RELA: variants seen among roughly 807,000 people sequenced by gnomAD.
The protein encoded by RELA is transcription factor p65.
Under a neutral mutation model 56.7 loss-of-function variants are expected in RELA, and 14 were observed. The observed-to-expected ratio is 0.25, with a 90% CI of 0.16 to 0.39. RELA has a LOEUF of 0.39. Among genes scored for constraint, RELA ranks in the 10% least tolerant of loss-of-function variants. RELA has a pLI of 1.00. For missense variants in RELA, 559 were observed against 736.4 expected (o/e 0.76, Z 2.79); for synonymous variants, 315 against 289.7 (o/e 1.09, Z -0.89).
At chr11:65,662,459 G>A (rs1281546221) in intron 1 of RELA, 2 of 494,134 alleles carry the variant, frequency 4.0e-6, no homozygotes, top group African/African-American at 2.0e-5. Flanking sequence ...ACTTTCTTAA[G>A]GAAAATTGAG....
intron 8 of RELA, 88 bp from the exon 9 acceptor site, chr11:65,656,023 G>T (rs1856418960): frequency 1.8e-6 from 2 of 1,126,176 alleles, no homozygotes; most frequent in Non-Finnish European, 2.7e-6. Flanking sequence ...AAGGGGAGGA[G>T]CCAGGCTTTC....
intron 4 of RELA, 159 bp downstream of exon 4, chr11:65,661,524 AATAG>A (rs2135570842): frequency 1.6e-6 from 1 of 615,580 alleles, no homozygotes; most frequent in South Asian, 2.4e-5. Context: ...TAAACGTACA[AATAG>A]ATAATTTCAA....
At chr11:65,661,102 A>T (rs1228521552) in intron 4 of RELA, among the ~76,000 whole-genome samples, 1 of 150,986 alleles carries the variant, frequency 6.6e-6, no homozygotes, top group Non-Finnish European at 1.5e-5. Context: ...TGGTGCAATC[A>T]TAGCTTGCCG....
In RELA at chr11:65,654,236, A is replaced by G. The variant is rs1324138280; in HGVS notation, c.*142T>C. 3 of 1,006,848 alleles carry G rather than the reference A, an allele frequency of 3.0e-6. No individual in the cohort carries two copies. The highest frequency in any genetic ancestry group is 4.6e-6 in the Non-Finnish European group (3 of 650,820). 62.4% of individuals were successfully genotyped at this position (1,006,848 alleles called of 1,614,324 possible). A position where few individuals can be genotyped will look rare whatever the true frequency, so the allele number is the denominator to read the frequency against. On this transcript the variant is annotated 3_prime_UTR_variant, in exon 11 of 11. Transcript: ENST00000406246. ...AGATACAGATACTGACAATAAAAGAATAAAATATGGCTCCCCCCTCCAAGG... is the reference window on the plus strand; with the variant it reads ...AGATACAGATACTGACAATAAAAGAGTAAAATATGGCTCCCCCCTCCAAGG...
At chr11:65,661,626 C>T in intron 4 of RELA, 61 bp downstream of exon 4, 3 of 1,471,516 alleles carry the variant, frequency 2.0e-6, no homozygotes, top group South Asian at 2.6e-5. Flanking sequence ...ACTGTAGCGG[C>T]TACTTCATAG....
intron 5 of RELA, 80 bp downstream of exon 5, chr11:65,660,044 G>A: frequency 2.9e-6 from 4 of 1,384,898 alleles, no homozygotes; most frequent in Non-Finnish European, 4.1e-6. Context: ...ACTGTGTCTT[G>A]GCCAGTGAGG....
chr11:65,659,633 C>T (rs937343671), intron 6 of RELA, 33 bp downstream of exon 6: 6 of 1,612,152 alleles, frequency 3.7e-6, no homozygotes, highest in Admixed American at 3.3e-5. Context: ...CAGGCCCACC[C>T]TCTCCCCTTC....
At chr11:65,657,923 C>A (rs1565190014) in intron 8 of RELA, among the ~76,000 whole-genome samples, 1 of 152,170 alleles carries the variant, frequency 6.6e-6, no homozygotes, top group Non-Finnish European at 1.5e-5. Context: ...ACAAGACAAC[C>A]AGTGTGGCAA....
rs372955840 is a variant in RELA at position 65,659,657 on chromosome 11, G to A, written c.559+9C>T. On this transcript the variant is annotated intron_variant, in intron 6 of 10. Transcript: ENST00000406246. ...CCTCTCCCCTTCCTGCGTCTCCCTC[G>A]CTACTCACGATTGTCAAAGATGGGA... is the stretch of plus-strand genomic sequence containing the variant. 1.9e-5 allele frequency: 31 copies of A among 1,613,064 alleles called. No individual in the cohort carries two copies. In the Middle Eastern group the frequency reaches 6.7e-4, roughly 35 times the overall value.
rs762060621 is a variant in RELA at position 65,655,747 on chromosome 11, C to T, written c.974G>A (p.Arg325Gln). ...CACAGCAATGCGTCGAGGTGGAGGC[C>T]GGGGGTCGGTGGGTCCTGTAGGGCA... ...KSPFSGPTDP[R>Q]PPPRRIAVPS... is the part of the protein sequence containing the mutation. Residue 325 changes from arginine (R) to glutamine (Q), a missense_variant, in exon 10 of 11, where the codon CGG (arginine) becomes CAG (glutamine). Arg to Gln is a conservative substitution (Grantham distance 43). Transcript: ENST00000406246. 3.3e-5 allele frequency: 54 copies of T among 1,613,934 alleles called. No individual in the cohort carries two copies. Among genetic ancestry groups the T allele is most frequent in the African/African-American group, 6.7e-5 (5 of 74,880 alleles).
Position 65,658,230 on chromosome 11 carries a change from C to T in RELA, c.877+57G>A. 1.5e-6 allele frequency: 2 copies of T among 1,347,234 alleles called. No individual in the cohort carries two copies. Among genetic ancestry groups the T allele is most frequent in the Non-Finnish European group, 2.1e-6 (2 of 975,064 alleles). 83.5% of individuals were successfully genotyped at this position (1,347,234 alleles called of 1,614,324 possible). On this transcript the variant is annotated intron_variant, in intron 8 of 10. Coordinates refer to ENST00000406246, the MANE Select transcript of RELA (RefSeq NM_021975.4). The surrounding 1 kb of genome is among the most constrained non-coding windows in gnomAD (Gnocchi z 4.5). ...CACAGCCCCAGACATGCAGTCTTGG[C>T]CTCTCTCTCACGGCACAGAGCCCAG...
intron 1 of RELA, 114 bp downstream of exon 1, chr11:65,662,712 C>T (rs1470845717): frequency 1.2e-6 from 1 of 869,112 alleles, no homozygotes; most frequent in Admixed American, 4.6e-5. Context: ...AGGCCGACCG[C>T]TCCCTGCGCA....
At chr11:65,656,943 T>G (rs547614856) in intron 8 of RELA, among the ~76,000 whole-genome samples, 2 of 152,242 alleles carry the variant, frequency 1.3e-5, no homozygotes, top group Non-Finnish European at 2.9e-5. Context: ...GGAGAATCAC[T>G]TGAACCCGGG....
chr11:65,662,755 G>A, intron 1 of RELA, 71 bp downstream of exon 1: 1 of 1,152,822 alleles, frequency 8.7e-7, no homozygotes, highest in Non-Finnish European at 1.1e-6. Flanking sequence ...GCGGAAAGCG[G>A]CGCGGGGGCT....
rs1307302800 is a variant in RELA at position 65,661,580 on chromosome 11, G to A, written c.335+107C>T. The stretch of plus-strand genomic sequence containing the variant: ...TTGCAGAGCTGAGTCAGGGCAAGGA[G>A]TGAGGAATTCTGCCCTGGGTCCAGA... On this transcript the variant is annotated intron_variant, in intron 4 of 10. Transcript: ENST00000406246. 5 of 1,053,354 alleles carry A rather than the reference G, an allele frequency of 4.7e-6. No homozygotes were observed. The African/African-American group carries it at 7.9e-5, about 17-fold the overall frequency. The allele number at this position is 1,053,354 out of a possible 1,614,324, so 65.3% of individuals were successfully genotyped here.
chr11:65,662,894 AG>A lies in RELA; in HGVS notation c.-63del. ...GGGCCCGCGGCGTGCACTACAGACG[AG>A]CCATTCGCCAGAGGCGGAAATGCGC... On this transcript the variant is annotated 5_prime_UTR_variant, in exon 1 of 11. The change abolishes the stop of an existing upstream ORF in the 5' untranslated region. Coordinates refer to ENST00000406246, the MANE Select transcript of RELA (RefSeq NM_021975.4). The A allele has an allele frequency of 8.5e-7, 1 of 1,172,258 alleles. No individual in the cohort carries two copies. The highest frequency in any genetic ancestry group is 1.1e-6 in the Non-Finnish European group (1 of 947,062). 72.6% of individuals were successfully genotyped at this position (1,172,258 alleles called of 1,614,324 possible).
chr11:65,655,342 G>A (rs11568301), intron 10 of RELA: 9 of 569,560 alleles, frequency 1.6e-5, no homozygotes, highest in African/African-American at 5.6e-5. Flanking sequence ...AGTGAGCAGC[G>A]GCCTGAAGTG....
Position 65,654,966 on chromosome 11 carries a change from G to A in RELA, c.1068C>T (p.Ser356=). Residue 356 remains serine, a synonymous_variant, in exon 11 of 11, where the codon AGC becomes AGT. Transcript: ENST00000406246. ...PQPYPFTSSL[S]TINYDEFPTM... is the part of the protein sequence containing the mutation. Reference sequence around the variant, plus strand: ...TGGGAAACTCATCATAGTTGATGGTGCTCAGGGATGACGTAAAGGGATAGG... The same window carrying A: ...TGGGAAACTCATCATAGTTGATGGTACTCAGGGATGACGTAAAGGGATAGG... The A allele has an allele frequency of 1.9e-6, 3 of 1,604,444 alleles. No individual in the cohort carries two copies. The highest frequency in any genetic ancestry group is 1.7e-6 in the Non-Finnish European group (2 of 1,176,162).
At chr11:65,657,377 A>G (rs1026812704) in intron 8 of RELA, among the ~76,000 whole-genome samples, 5 of 152,124 alleles carry the variant, frequency 3.3e-5, no homozygotes, top group African/African-American at 1.2e-4. Context: ...CTACAGCAAC[A>G]TTTCCAGAAT....
Sources: allele counts gnomAD v4.1 joint callset (sites outside exome capture counted in the v4.1 genomes callset), GRCh38; gene constraint gnomAD v4.1.1; non-coding constraint Gnocchi (gnomAD v3.1); transcripts MANE v1.5; gene names NCBI Gene and HGNC (gene_info 2026-07-23, HGNC 2026-07-21).